The following BTRC variants were observed in gnomAD, a reference collection of about 807,000 sequenced individuals.
BTRC encodes F-box/WD repeat-containing protein 1A.
A neutral mutation model predicts 85.5 loss-of-function variants in BTRC; 42 were observed. That is an observed-to-expected ratio of 0.49 (90% CI 0.38 to 0.64). The LOEUF is 0.64. Ranked by LOEUF, BTRC falls within the 30% of genes least tolerant of loss-of-function variation. The pLI is 0.00. For synonymous variants in BTRC, 255 were observed against 263.3 expected (o/e 0.97, Z 0.30); for missense variants, 594 against 743.5 (o/e 0.80, Z 2.34).
intron 5 of BTRC, among the ~76,000 whole-genome samples, chr10:101,523,971 G>A (rs1255309720): frequency 1.3e-5 from 2 of 152,074 alleles, no homozygotes; most frequent in Admixed American, 6.5e-5. Flanking sequence ...ATATATTAAG[G>A]AATGTGAACA....
At chr10:101,411,019 A>T (rs1455354669) in intron 1 of BTRC, among the ~76,000 whole-genome samples, 1 of 132,550 alleles carries the variant, frequency 7.5e-6, no homozygotes, top group Non-Finnish European at 1.6e-5. Flanking sequence ...TTTTTTTGAG[A>T]CAGTGTCACT....
intron 1 of BTRC, chr10:101,364,892 G>C (rs1385466024): frequency 2.7e-5 from 4 of 149,240 alleles, no homozygotes; most frequent in Non-Finnish European, 5.9e-5. Context: ...GTCGATGCAT[G>C]GAGTGGACGG....
Position 101,529,045 on chromosome 10 carries a change from GA to G in BTRC, c.744-2188del, listed in dbSNP as rs757396822. On this transcript the variant is annotated intron_variant, in intron 6 of 14. Transcript: ENST00000370187. ...AAAAGTATAATAAAAGACCACTTGG[GA>G]AAAGTCAATTTTCTTAATCAGCAGA... Among the ~76,000 whole-genome samples the G allele has an allele frequency of 2.0e-4, 31 of 152,134 alleles. 1 individual carries two copies. Among genetic ancestry groups the G allele is most frequent in the Non-Finnish European group, 3.2e-4 (22 of 68,020 alleles).
chr10:101,494,534 A>G (rs112238815), intron 4 of BTRC, among the ~76,000 whole-genome samples: 27 of 152,332 alleles, frequency 1.8e-4, no homozygotes, highest in African/African-American at 6.3e-4. Context: ...GCAAGACATA[A>G]TTATCTTCCC....
In BTRC at chr10:101,536,756, AG is replaced by A. The variant is rs2062393502; in HGVS notation, c.1577+104del. On this transcript the variant is annotated intron_variant, in intron 12 of 14. Transcript: ENST00000370187. Reference sequence around the variant, plus strand: ...CCATTCCTTGTTTCTAAAAGCTTATAGATTTTACACAAAATATCTGATACCA... The same window carrying A: ...CCATTCCTTGTTTCTAAAAGCTTATAATTTTACACAAAATATCTGATACCA... The A allele has an allele frequency of 3.6e-6, 3 of 834,186 alleles. No homozygotes were observed. The East Asian group carries it at 7.7e-5, about 21-fold the overall frequency. The allele number at this position is 834,186 out of a possible 1,614,324, so 51.7% of individuals were successfully genotyped here. A position where few individuals can be genotyped will look rare whatever the true frequency, so the allele number is the denominator to read the frequency against.
At chr10:101,528,441 A>G (rs1272543167) in intron 6 of BTRC, among the ~76,000 whole-genome samples, 5 of 152,182 alleles carry the variant, frequency 3.3e-5, no homozygotes, top group African/African-American at 1.2e-4. Context: ...GTAATCCAGG[A>G]TCCAGCACTA....
Position 101,522,409 on chromosome 10 carries a change from CTTTTTTTTTTTT to C in BTRC, c.556+556_556+567del, listed in dbSNP as rs1176651688. Among the ~76,000 whole-genome samples the C allele has an allele frequency of 1.4e-3, 42 of 29,542 alleles. 1 individual carries two copies. The highest frequency in any genetic ancestry group is 3.9e-3 in the African/African-American group (30 of 7,652). The allele number at this position is 29,542 out of a possible 152,430, so 19.4% of individuals were successfully genotyped here. Reference sequence around the variant, plus strand: ...AAAAAAACTCTAGAAATAAAGACTCCTTTTTTTTTTTTTTTTTTTTTTTTTTTTGAGACAAAG... The same window carrying C: ...AAAAAAACTCTAGAAATAAAGACTCCTTTTTTTTTTTTTTTTGAGACAAAG... On this transcript the variant is annotated intron_variant, in intron 5 of 14. Transcript: ENST00000370187.
intron 1 of BTRC, among the ~76,000 whole-genome samples, chr10:101,420,416 C>T (rs1465704020): frequency 6.6e-6 from 1 of 152,086 alleles, no homozygotes; most frequent in Non-Finnish European, 1.5e-5. Flanking sequence ...CTCCTCACTC[C>T]ACTGGGTCTG....
chr10:101,366,938 T>TTATATATTAA lies in BTRC; in HGVS notation c.48+12717_48+12718insTAATATATAT, dbSNP rs1564730432. Among the ~76,000 whole-genome samples, 100 of 29,242 alleles carry TTATATATTAA rather than the reference T, an allele frequency of 3.4e-3. 7 individuals carry two copies. The highest frequency in any genetic ancestry group is 0.02 in the Admixed American group (26 of 1,278). 19.2% of individuals were successfully genotyped at this position (29,242 alleles called of 152,430 possible). A position where few individuals can be genotyped will look rare whatever the true frequency, so the allele number is the denominator to read the frequency against. On this transcript the variant is annotated intron_variant, in intron 1 of 14. Transcript: ENST00000370187. ...TATATTTATATATATTTATATATAT[T>TTATATATTAA]TATATATATTTATATATATATTTAT... is the stretch of plus-strand genomic sequence containing the variant.
chr10:101,401,906 A>T, intron 1 of BTRC, among the ~76,000 whole-genome samples: 1 of 152,212 alleles, frequency 6.6e-6, no homozygotes, highest in South Asian at 2.1e-4. Context: ...GCAAAAAAAG[A>T]AGGAAAAAAG....
chr10:101,504,761 C>T (rs919803742), intron 4 of BTRC, among the ~76,000 whole-genome samples: 2 of 151,632 alleles, frequency 1.3e-5, no homozygotes, highest in Non-Finnish European at 2.9e-5. Flanking sequence ...TTTCAGCTCC[C>T]CTCATCACAA....
chr10:101,467,335 T>TG (rs1176263510), intron 3 of BTRC, among the ~76,000 whole-genome samples: 2 of 129,360 alleles, frequency 1.5e-5, no homozygotes, highest in Admixed American at 1.6e-4. Context: ...CAGGGTTTTT[T>TG]TTTTTTTTTT....
At chr10:101,455,005 C>T (rs973023159) in intron 2 of BTRC, among the ~76,000 whole-genome samples, 12 of 151,522 alleles carry the variant, frequency 7.9e-5, no homozygotes, top group Admixed American at 6.6e-4. Context: ...AAGACCATTA[C>T]GACAGTAGCA....
intron 2 of BTRC, among the ~76,000 whole-genome samples, chr10:101,437,856 C>G (rs868632506): frequency 6.6e-6 from 1 of 152,144 alleles, no homozygotes; most frequent in South Asian, 2.1e-4. Flanking sequence ...AAAAACCCCT[C>G]CACAAACACC....
chr10:101,501,613 A>G (rs988029372), intron 4 of BTRC, among the ~76,000 whole-genome samples: 1 of 152,370 alleles, frequency 6.6e-6, no homozygotes, highest in East Asian at 1.9e-4. Flanking sequence ...TGTTTGATAC[A>G]TAGAAAAATT....
intron 2 of BTRC, among the ~76,000 whole-genome samples, chr10:101,436,087 T>G (rs1944521788): frequency 6.6e-6 from 1 of 152,112 alleles, no homozygotes; most frequent in African/African-American, 2.4e-5. Context: ...GGGGATATGT[T>G]TAGTTTGAGG....
At chr10:101,372,264 CT>C (rs1201027498) in intron 1 of BTRC, among the ~76,000 whole-genome samples, 74 of 141,276 alleles carry the variant, frequency 5.2e-4, no homozygotes, top group South Asian at 4.6e-4. Context: ...TTTTCTTTTT[CT>C]TTTTTTTTTT....
At chr10:101,354,132 A>C, upstream of BTRC, 2 of 1,546,468 alleles carry the variant, frequency 1.3e-6, no homozygotes, top group Non-Finnish European at 1.7e-6. Context: ...GCGGCCTGGC[A>C]CCAAAGGGGC....
chr10:101,459,952 A>G (rs1368072233), intron 2 of BTRC, among the ~76,000 whole-genome samples: 1 of 152,222 alleles, frequency 6.6e-6, no homozygotes, highest in African/African-American at 2.4e-5. Flanking sequence ...TGTGATTTAT[A>G]GTATCTTTGG....
Sources: gnomAD v4.1 joint callset for allele counts (sites outside exome capture counted in the v4.1 genomes callset) on GRCh38, gnomAD v4.1.1 for gene constraint, MANE v1.5 for transcripts, NCBI Gene and HGNC (gene_info 2026-07-23, HGNC 2026-07-21) for gene names.